L3MBTL4: variants seen among roughly 807,000 people sequenced by gnomAD.
L3MBTL4 encodes L3MBTL histone methyl-lysine binding protein 4.
A neutral mutation model predicts 84.5 loss-of-function variants in L3MBTL4; 70 were observed. The ratio of observed to expected loss-of-function variants is 0.83; its 90% confidence interval spans 0.68 to 1.01. The LOEUF is 1.01. Among genes scored for constraint, L3MBTL4 ranks in the 50% least tolerant of loss-of-function variants. The pLI, the probability that L3MBTL4 is intolerant of heterozygous loss-of-function variation, is 0.00. For missense variants in L3MBTL4, 715 were observed against 754.8 expected (o/e 0.95, Z 0.62); for synonymous variants, 274 against 259.8 (o/e 1.05, Z -0.52).
At chr18:6,000,347 AAGTCAAT>A (rs1433255657) in intron 16 of L3MBTL4, among the ~76,000 whole-genome samples, 1 of 152,144 alleles carries the variant, frequency 6.6e-6, no homozygotes, top group African/African-American at 2.4e-5. Context: ...AAGAGACAGC[AAGTCAAT>A]AAAAGGCAAT....
intron 5 of L3MBTL4, among the ~76,000 whole-genome samples, chr18:6,254,321 C>A (rs2048045893): frequency 6.6e-6 from 1 of 151,504 alleles, no homozygotes; most frequent in South Asian, 2.1e-4. Context: ...CTTCAGTAAG[C>A]AGAACACAGC....
chr18:6,185,190 C>T (rs1361423474), intron 12 of L3MBTL4, among the ~76,000 whole-genome samples: 2 of 152,084 alleles, frequency 1.3e-5, no homozygotes, highest in African/African-American at 4.8e-5. Flanking sequence ...AAATCTAAGG[C>T]ATTGATTTAG....
chr18:6,210,510 C>T (rs1032309023), intron 12 of L3MBTL4, among the ~76,000 whole-genome samples: 14 of 152,290 alleles, frequency 9.2e-5, no homozygotes, highest in African/African-American at 3.1e-4. Flanking sequence ...ATCTTGTGAC[C>T]TTGGACCAAT....
chr18:6,315,624 C>T (rs1258313627), intron 1 of L3MBTL4, among the ~76,000 whole-genome samples: 1 of 152,162 alleles, frequency 6.6e-6, no homozygotes, highest in African/African-American at 2.4e-5. Flanking sequence ...CTTTGAACAC[C>T]ATACTATGCT....
At chr18:6,313,139 A>G (rs1048538720) in intron 1 of L3MBTL4, among the ~76,000 whole-genome samples, 1 of 152,194 alleles carries the variant, frequency 6.6e-6, no homozygotes, top group African/African-American at 2.4e-5. Context: ...ATGAGGCTGT[A>G]ACCATCCCGA....
chr18:6,319,581 G>A (rs952913585), intron 1 of L3MBTL4, among the ~76,000 whole-genome samples: 1 of 151,898 alleles, frequency 6.6e-6, no homozygotes, highest in Non-Finnish European at 1.5e-5. Context: ...ATTAAATCAG[G>A]AAGAAATAGA....
intron 16 of L3MBTL4, chr18:6,029,528 G>A (rs73376092): frequency 0.052 from 51,303 of 984,290 alleles, 1,440 homozygotes; most frequent in Admixed American, 0.12. Flanking sequence ...CTTAGGTGGA[G>A]GACATCAAGG....
intron 12 of L3MBTL4, among the ~76,000 whole-genome samples, chr18:6,204,753 A>G (rs747212792): frequency 2.0e-5 from 3 of 152,196 alleles, no homozygotes; most frequent in African/African-American, 7.2e-5. Flanking sequence ...TGGCTTTTAC[A>G]GTACTTGAGG....
At chr18:6,318,078 C>T (rs1192179580) in intron 1 of L3MBTL4, among the ~76,000 whole-genome samples, 1 of 152,062 alleles carries the variant, frequency 6.6e-6, no homozygotes, top group African/African-American at 2.4e-5. Context: ...GTACCCCAGA[C>T]CAGCCCTACG....
intron 1 of L3MBTL4, among the ~76,000 whole-genome samples, chr18:6,339,769 C>A (rs1454273576): frequency 6.6e-6 from 1 of 151,970 alleles, no homozygotes; most frequent in African/African-American, 2.4e-5. Flanking sequence ...GATTACAGAT[C>A]ATACATATAT....
At chr18:5,976,572 C>T (rs982450433) in intron 16 of L3MBTL4, among the ~76,000 whole-genome samples, 10 of 152,090 alleles carry the variant, frequency 6.6e-5, no homozygotes, top group South Asian at 2.1e-4. Context: ...TAACAGAAGG[C>T]GTGAAGACAG....
intron 4 of L3MBTL4, among the ~76,000 whole-genome samples, chr18:6,264,963 C>T (rs778924311): frequency 1.3e-5 from 2 of 152,274 alleles, no homozygotes; most frequent in South Asian, 2.1e-4. Context: ...TAATTAAACG[C>T]GTTACATGGA....
chr18:6,370,128 G>A (rs1407062501), intron 1 of L3MBTL4, among the ~76,000 whole-genome samples: 8 of 117,608 alleles, frequency 6.8e-5, no homozygotes, highest in Non-Finnish European at 1.2e-4. Flanking sequence ...AGTGAGACTC[G>A]GTCTCAAAAA....
intron 1 of L3MBTL4, among the ~76,000 whole-genome samples, chr18:6,364,371 T>C (rs1192784944): frequency 1.3e-5 from 2 of 152,042 alleles, no homozygotes; most frequent in Non-Finnish European, 2.9e-5. Flanking sequence ...AATATTGATA[T>C]ATAAGACATG....
At chr18:6,281,717 A>G (rs551173327) in intron 4 of L3MBTL4, among the ~76,000 whole-genome samples, 135 of 152,332 alleles carry the variant, frequency 8.9e-4, no homozygotes, top group Non-Finnish European at 1.5e-3. Flanking sequence ...ATTAATTACG[A>G]CAACAACTAG....
At chr18:6,094,540 C>T (rs1045288170) in intron 14 of L3MBTL4, among the ~76,000 whole-genome samples, 1 of 152,108 alleles carries the variant, frequency 6.6e-6, no homozygotes. Flanking sequence ...TAGAGGAGCA[C>T]GTGGCCAAAT....
chr18:6,003,101 AT>A (rs2054298715), intron 16 of L3MBTL4, among the ~76,000 whole-genome samples: 1 of 103,850 alleles, frequency 9.6e-6, no homozygotes, highest in Non-Finnish European at 1.9e-5. Context: ...TAGTATCTCT[AT>A]TTATAGAGAT....
At chr18:6,062,026 A>G (rs1440550129) in intron 16 of L3MBTL4, among the ~76,000 whole-genome samples, 1 of 152,046 alleles carries the variant, frequency 6.6e-6, no homozygotes. Context: ...ATCAATTAAG[A>G]CTATAAAAAG....
In L3MBTL4 at chr18:6,252,970, G is replaced by C. The variant is rs551247250; in HGVS notation, c.220-8382C>G. 2.0e-5 allele frequency among the ~76,000 whole-genome samples: 3 copies of C among 152,326 alleles called. No individual in the cohort carries two copies. The South Asian group carries it at 6.2e-4, about 32-fold the overall frequency. Reference sequence around the variant, plus strand: ...TGTAATCCCAGCACTTTGGGAGGCCGAGGCGAGCAGATCATGAGGTCAAGA... The same window carrying C: ...TGTAATCCCAGCACTTTGGGAGGCCCAGGCGAGCAGATCATGAGGTCAAGA... On this transcript the variant is annotated intron_variant, in intron 5 of 18. Transcript: ENST00000317931.
Sources: gnomAD v4.1 joint callset for allele counts (sites outside exome capture counted in the v4.1 genomes callset) on GRCh38, gnomAD v4.1.1 for gene constraint, MANE v1.5 for transcripts, NCBI Gene and HGNC (gene_info 2026-07-23, HGNC 2026-07-21) for gene names.